Variants in ZNF253 observed in about 807,000 individuals in gnomAD.
ZNF253 encodes the protein DNA-binding protein.
Under a neutral mutation model 11.9 loss-of-function variants are expected in ZNF253, and 8 were observed. The observed-to-expected ratio is 0.67, with a 90% CI of 0.40 to 1.22. The LOEUF is 1.22. Among genes scored for constraint, ZNF253 ranks in the 50% most tolerant of loss-of-function variants. The probability of loss-of-function intolerance (pLI) is 0.01; values close to 1 mark genes in which losing one functional copy is unlikely to be tolerated. For missense variants in ZNF253, 485 were observed against 586.9 expected, an observed-to-expected ratio of 0.83 and a Z score of 1.79; for synonymous variants, 194 against 194.9, an observed-to-expected ratio of 1.00 and a Z score of 0.04.
intron 1 of ZNF253, among the ~76,000 whole-genome samples, chr19:19,873,977 C>T (rs980964242): frequency 2.0e-5 from 3 of 152,122 alleles, no homozygotes; most frequent in Non-Finnish European, 4.4e-5. Context: ...GGCGGGATCT[C>T]AGCTAACTGA....
At chr19:19,873,392 C>T (rs2063142584) in intron 1 of ZNF253, among the ~76,000 whole-genome samples, 1 of 152,168 alleles carries the variant, frequency 6.6e-6, no homozygotes, top group Non-Finnish European at 1.5e-5. Flanking sequence ...GTCTCTCCAG[C>T]CTGGCTTATC....
chr19:19,876,740 C>T (rs538711454), intron 1 of ZNF253, among the ~76,000 whole-genome samples: 1 of 151,970 alleles, frequency 6.6e-6, no homozygotes, highest in South Asian at 2.1e-4. Context: ...TGTTTCAGAT[C>T]AAGAGCTGTA....
At chr19:19,882,590 A>G (rs757341674) in intron 3 of ZNF253, among the ~76,000 whole-genome samples, 1 of 152,182 alleles carries the variant, frequency 6.6e-6, no homozygotes. Context: ...TCTTAACATC[A>G]GTTTATTGTG....
chr19:19,888,777 T>C (rs981561740), intron 3 of ZNF253, among the ~76,000 whole-genome samples: 3 of 152,220 alleles, frequency 2.0e-5, no homozygotes, highest in African/African-American at 4.8e-5. Flanking sequence ...TTTTTGTGTA[T>C]GTGCATATCT....
At chr19:19,889,349 A>T (rs1311525636) in intron 3 of ZNF253, among the ~76,000 whole-genome samples, 7 of 151,042 alleles carry the variant, frequency 4.6e-5, no homozygotes, top group Non-Finnish European at 8.9e-5. Flanking sequence ...GTAATTAATT[A>T]ATTTATTTAT....
chr19:19,892,603 C>T lies in ZNF253; in HGVS notation c.1356C>T (p.Tyr452=). The T allele has an allele frequency of 1.2e-6, 2 of 1,614,034 alleles. No individual in the cohort carries two copies. Among genetic ancestry groups the T allele is most frequent in the Non-Finnish European group, 1.7e-6 (2 of 1,179,970 alleles). ...GAATTCATACTGGAGAGAAACCTTA[C>T]AAATGTGAAGAATGTGGCAAAGCTT... ...HKRIHTGEKP[Y]KCEECGKAFN... is the part of the protein sequence containing the mutation. The change falls in exon 4 of 4, where the codon TAC becomes TAT. Residue 452 remains tyrosine, a synonymous_variant. Transcript: ENST00000589717.
At chr19:19,888,301 T>C (rs1397223015) in intron 3 of ZNF253, among the ~76,000 whole-genome samples, 1 of 152,162 alleles carries the variant, frequency 6.6e-6, no homozygotes, top group Admixed American at 6.5e-5. Flanking sequence ...TGACCTCCAG[T>C]GATTCACCCG....
At chr19:19,875,708 T>C (rs1444192654) in intron 1 of ZNF253, among the ~76,000 whole-genome samples, 2 of 152,228 alleles carry the variant, frequency 1.3e-5, no homozygotes, top group African/African-American at 4.8e-5. Context: ...AAACTCTTTC[T>C]TTCTTTATCT....
intron 1 of ZNF253, chr19:19,870,978 A>G (rs1162536563): frequency 6.6e-6 from 1 of 152,048 alleles, no homozygotes; most frequent in Admixed American, 6.6e-5. Context: ...GCTTTTTTAA[A>G]AGATCTTTTT....
intron 1 of ZNF253, among the ~76,000 whole-genome samples, chr19:19,868,018 GT>G (rs995057936): frequency 6.7e-6 from 1 of 149,348 alleles, no homozygotes; most frequent in Non-Finnish European, 1.5e-5. Context: ...ATCTATTCAT[GT>G]TTTTTTGGCC....
At chr19:19,883,398 G>A (rs1034221838) in intron 3 of ZNF253, among the ~76,000 whole-genome samples, 2 of 152,094 alleles carry the variant, frequency 1.3e-5, no homozygotes, top group Admixed American at 1.3e-4. Flanking sequence ...GATCCCTGGA[G>A]CCTAAAAGTT....
At chr19:19,887,362 T>C (rs1412708412) in intron 3 of ZNF253, among the ~76,000 whole-genome samples, 1 of 152,138 alleles carries the variant, frequency 6.6e-6, no homozygotes, top group Non-Finnish European at 1.5e-5. Context: ...TATGGTGCGA[T>C]CTCAGCTCAC....
intron 1 of ZNF253, among the ~76,000 whole-genome samples, chr19:19,875,542 C>T (rs1034465289): frequency 2.0e-5 from 3 of 152,046 alleles, no homozygotes; most frequent in Non-Finnish European, 4.4e-5. Flanking sequence ...ACTACGGGCA[C>T]CCACCACCAC....
chr19:19,891,761 T>C lies in ZNF253; in HGVS notation c.514T>C (p.Phe172Leu), dbSNP rs778968722. The part of the protein sequence containing the change: ...YKTRHTGINL[F>L]KCIICGKAFK... ...GACAAGACATACTGGAATAAATCTT[T>C]TCAAATGTATAATATGTGGCAAAGC... Residue 172 changes from phenylalanine (F) to leucine (L), a missense_variant, in exon 4 of 4, where the codon TTC (phenylalanine) becomes CTC (leucine). This residue lies in a region of ZNF253 where 218 missense variants were observed against 213.1 expected (regional missense o/e 1.02). Transcript: ENST00000589717. 1.9e-6 allele frequency: 3 copies of C among 1,614,104 alleles called. No individual in the cohort carries two copies. The South Asian group carries it at 3.3e-5, about 18-fold the overall frequency.
At chr19:19,885,291 C>CCTT (rs1555777991) in intron 3 of ZNF253, among the ~76,000 whole-genome samples, 1 of 24,768 alleles carries the variant, frequency 4.0e-5, no homozygotes, top group African/African-American at 3.2e-4. Flanking sequence ...TTCTTTCTTT[C>CCTT]TCTTTCTTTT....
chr19:19,891,822 A>G lies in ZNF253; in HGVS notation c.575A>G (p.Lys192Arg), dbSNP rs1251689290. Residue 192 changes from lysine to arginine, a missense_variant, in exon 4 of 4, where the codon AAA becomes AGA. Coordinates refer to ENST00000589717, the MANE Select transcript of ZNF253 (RefSeq NM_021047.3). ...KRSSTLTTHK[K>R]IHTGEKPYRC... is the part of the protein sequence containing the mutation. ...TCCTCAACCCTTACTACACATAAGA[A>G]AATTCATACTGGAGAGAAACCTTAC... The G allele has an allele frequency of 1.2e-6, 2 of 1,614,158 alleles. No homozygotes were observed. The highest frequency in any genetic ancestry group is 1.7e-6 in the Non-Finnish European group (2 of 1,180,002).
chr19:19,868,140 G>C (rs1028713488), intron 1 of ZNF253, among the ~76,000 whole-genome samples: 1 of 151,564 alleles, frequency 6.6e-6, no homozygotes, highest in Middle Eastern at 3.2e-3. Context: ...TTATTCTGTA[G>C]GTTGTCTGTT....
Position 19,894,302 on chromosome 19 carries a change from G to A in ZNF253, c.*1555G>A, listed in dbSNP as rs992837733. The A allele has an allele frequency of 1.3e-5, 2 of 152,074 alleles. No individual in the cohort carries two copies. Among genetic ancestry groups the A allele is most frequent in the South Asian group, 2.1e-4 (1 of 4,832 alleles). The allele number at this position is 152,074 out of a possible 1,614,324, so 9.4% of individuals were successfully genotyped here. A position where few individuals can be genotyped will look rare whatever the true frequency, so the allele number is the denominator to read the frequency against. ...TAATACAGCTTTCACATTGCTTTATGCTATTTTATTCCTATTATATTCACA... is the reference window on the plus strand; with the variant it reads ...TAATACAGCTTTCACATTGCTTTATACTATTTTATTCCTATTATATTCACA... On this transcript the variant is annotated 3_prime_UTR_variant, in exon 4 of 4. Transcript: ENST00000589717.
chr19:19,888,213 A>C (rs2063214304), intron 3 of ZNF253, among the ~76,000 whole-genome samples: 1 of 151,716 alleles, frequency 6.6e-6, no homozygotes, highest in African/African-American at 2.4e-5. Context: ...ATAGGCACCC[A>C]CCACCATGCT....
Sources: allele counts gnomAD v4.1 joint callset (sites outside exome capture counted in the v4.1 genomes callset), GRCh38; gene constraint gnomAD v4.1.1; regional missense constraint gnomAD v4.1.1; transcripts MANE v1.5; gene names NCBI Gene and HGNC (gene_info 2026-07-23, HGNC 2026-07-21).